The following NUMB variants were observed in gnomAD, a reference collection of about 807,000 sequenced individuals.
The protein encoded by NUMB is NUMB endocytic adaptor protein.
A neutral mutation model predicts 59.7 loss-of-function variants in NUMB; 29 were observed. That is an observed-to-expected ratio of 0.49 (90% confidence interval 0.36 to 0.66). The LOEUF (loss-of-function observed/expected upper bound fraction) is 0.66. Among genes scored for constraint, NUMB ranks in the 30% least tolerant of loss-of-function variants. The pLI is 0.00. For synonymous variants in NUMB, 288 were observed against 288.2 expected (o/e 1.00, Z 0.01); for missense variants, 723 against 822.0 (o/e 0.88, Z 1.47).
At chr14:73,372,754 T>C (rs1357034337) in intron 2 of NUMB, among the ~76,000 whole-genome samples, 2 of 152,092 alleles carry the variant, frequency 1.3e-5, no homozygotes, top group Admixed American at 6.6e-5. Context: ...GGATTCACTA[T>C]TGTTCATATT....
chr14:73,414,081 A>T (rs1897018130), intron 1 of NUMB, among the ~76,000 whole-genome samples: 1 of 151,718 alleles, frequency 6.6e-6, no homozygotes, highest in Non-Finnish European at 1.5e-5. Flanking sequence ...CAGCCTCCTG[A>T]GTAGCTGAGA....
chr14:73,288,960 A>G (rs868419893), intron 8 of NUMB, among the ~76,000 whole-genome samples: 7 of 152,138 alleles, frequency 4.6e-5, no homozygotes, highest in African/African-American at 1.4e-4. Flanking sequence ...GGATCACTTA[A>G]GCCTACAGTA....
intron 2 of NUMB, among the ~76,000 whole-genome samples, chr14:73,391,189 A>T (rs1168101639): frequency 6.6e-6 from 1 of 152,048 alleles, no homozygotes; most frequent in Non-Finnish European, 1.5e-5. Flanking sequence ...ATTTCATAGG[A>T]CTGTATAAGG....
At chr14:73,362,740 A>T (rs1037678977) in intron 3 of NUMB, among the ~76,000 whole-genome samples, 20 of 152,130 alleles carry the variant, frequency 1.3e-4, no homozygotes, top group African/African-American at 4.8e-4. Context: ...CTGGCCTATC[A>T]CTCTATTATA....
intron 4 of NUMB, among the ~76,000 whole-genome samples, chr14:73,336,466 C>T (rs1164785002): frequency 6.6e-6 from 1 of 152,104 alleles, no homozygotes; most frequent in Non-Finnish European, 1.5e-5. Flanking sequence ...AACTAACTAC[C>T]CATTCAAAAG....
intron 1 of NUMB, among the ~76,000 whole-genome samples, chr14:73,455,197 C>G (rs1445174204): frequency 1.3e-5 from 2 of 152,064 alleles, no homozygotes; most frequent in Non-Finnish European, 2.9e-5. Flanking sequence ...CAAAGCTATA[C>G]CAACAGTTTC....
chr14:73,284,657 T>C (rs1888861618), intron 9 of NUMB: 1 of 266,222 alleles, frequency 3.8e-6, no homozygotes, highest in Non-Finnish European at 7.1e-6. Context: ...TCTTAAAAAC[T>C]CAGTTCCTAT....
chr14:73,324,012 TTCTCTGAAGCTC>T (rs1441051613), intron 4 of NUMB, among the ~76,000 whole-genome samples: 2 of 152,174 alleles, frequency 1.3e-5, no homozygotes, highest in Non-Finnish European at 2.9e-5. Context: ...AGGAGGGGCT[TTCTCTGAAGCTC>T]TCTTATCTGC....
rs1172254479 is a variant in NUMB at position 73,350,074 on chromosome 14, T to TACACACACACACACACACACACAC, written c.126+5551_126+5552insGTGTGTGTGTGTGTGTGTGTGTGT. ...ATACATACATATATACATACATACA[T>TACACACACACACACACACACACAC]ACATACACACACACACACACACACA... On this transcript the variant is annotated intron_variant, in intron 4 of 12. Coordinates refer to ENST00000555238, the MANE Select transcript of NUMB (RefSeq NM_001005743.2). 2.2e-3 allele frequency among the ~76,000 whole-genome samples: 287 copies of TACACACACACACACACACACACAC among 131,048 alleles called. 3 individuals carry two copies. The highest frequency in any genetic ancestry group is 8.5e-3 in the African/African-American group (278 of 32,526). The allele number at this position is 131,048 out of a possible 152,430, so 86.0% of individuals were successfully genotyped here.
chr14:73,442,952 T>A (rs553583504), intron 1 of NUMB, among the ~76,000 whole-genome samples: 49 of 152,274 alleles, frequency 3.2e-4, no homozygotes, highest in African/African-American at 1.2e-3. Context: ...AACCTCTACC[T>A]CCTCGGCTCA....
chr14:73,406,812 T>C (rs1295251518), intron 2 of NUMB, among the ~76,000 whole-genome samples: 1 of 152,174 alleles, frequency 6.6e-6, no homozygotes, highest in East Asian at 1.9e-4. Context: ...GGTATCTCAC[T>C]GTGGTTTTGA....
chr14:73,406,139 C>A (rs1255978353), intron 2 of NUMB, among the ~76,000 whole-genome samples: 1 of 150,784 alleles, frequency 6.6e-6, no homozygotes, highest in Non-Finnish European at 1.5e-5. Flanking sequence ...TACATGTGCA[C>A]AACGTGCAGG....
At chr14:73,311,896 G>A (rs1382969361) in intron 6 of NUMB, among the ~76,000 whole-genome samples, 1 of 152,104 alleles carries the variant, frequency 6.6e-6, no homozygotes, top group Non-Finnish European at 1.5e-5. Flanking sequence ...AGATTAGGGT[G>A]GAGATGAATT....
intron 2 of NUMB, among the ~76,000 whole-genome samples, chr14:73,367,774 CAA>C (rs11463575): frequency 1.5e-4 from 17 of 111,828 alleles, no homozygotes; most frequent in East Asian, 2.5e-4. Context: ...GACCCTGTTT[CAA>C]AAAAAAAAAA....
chr14:73,395,464 G>C (rs1166121739), intron 2 of NUMB, among the ~76,000 whole-genome samples: 2 of 151,764 alleles, frequency 1.3e-5, no homozygotes, highest in Admixed American at 6.6e-5. Flanking sequence ...CTCTACAAAA[G>C]ATACAAAAAT....
intron 1 of NUMB, among the ~76,000 whole-genome samples, chr14:73,418,477 A>G (rs1166755029): frequency 6.6e-6 from 1 of 152,202 alleles, no homozygotes; most frequent in Non-Finnish European, 1.5e-5. Context: ...GAAACAGTTA[A>G]AACAGTAAAT....
intron 2 of NUMB, among the ~76,000 whole-genome samples, chr14:73,382,888 G>A (rs1446459340): frequency 6.6e-6 from 1 of 152,254 alleles, no homozygotes; most frequent in Non-Finnish European, 1.5e-5. Flanking sequence ...GCTCATGCCT[G>A]TAATCCCAGC....
At chr14:73,323,797 C>T (rs1165868234) in intron 4 of NUMB, among the ~76,000 whole-genome samples, 1 of 151,988 alleles carries the variant, frequency 6.6e-6, no homozygotes, top group East Asian at 1.9e-4. Flanking sequence ...TTTGAAGAGG[C>T]AAAAATTGAA....
At chr14:73,408,233 A>G (rs1896762861) in intron 2 of NUMB, among the ~76,000 whole-genome samples, 2 of 77,506 alleles carry the variant, frequency 2.6e-5, no homozygotes, top group East Asian at 8.4e-4. Context: ...TCTCAAAAAA[A>G]AAAAAGGAAA....
Sources: gnomAD v4.1 joint callset for allele counts (sites outside exome capture counted in the v4.1 genomes callset) on GRCh38, gnomAD v4.1.1 for gene constraint, MANE v1.5 for transcripts, NCBI Gene and HGNC (gene_info 2026-07-23, HGNC 2026-07-21) for gene names.